The following CALN1 variants were observed in gnomAD, a reference collection of about 807,000 sequenced individuals.
CALN1 encodes calneuron 1.
CALN1 carries 17 observed loss-of-function variants against 30.6 expected under a neutral mutation model. The ratio of observed to expected loss-of-function variants is 0.56; its 90% CI spans 0.38 to 0.83. CALN1 has a LOEUF of 0.83. Ranked by LOEUF, CALN1 falls within the 40% of genes least tolerant of loss-of-function variation. The pLI is 0.00. For synonymous variants in CALN1, 156 were observed against 131.4 expected (o/e 1.19, Z -1.28); for missense variants, 291 against 354.9 (o/e 0.82, Z 1.45).
chr7:72,076,611 C>CAAAAAA, intron 4 of CALN1, among the ~76,000 whole-genome samples: 2 of 6,120 alleles, frequency 3.3e-4, no homozygotes, highest in Middle Eastern at 0.1. Flanking sequence ...AAAAAAAAAG[C>CAAAAAA]AAAAAAAAAA....
At chr7:72,200,992 G>C (rs142182020) in intron 3 of CALN1, among the ~76,000 whole-genome samples, 63 of 152,282 alleles carry the variant, frequency 4.1e-4, no homozygotes, top group African/African-American at 1.5e-3. Flanking sequence ...CATGTTTATT[G>C]CAGCACTATT....
the CALN1 span, among the ~76,000 whole-genome samples, chr7:72,471,784 G>A: frequency 4.6e-5 from 7 of 152,124 alleles, no homozygotes; most frequent in South Asian, 2.1e-4. Context: ...CACGTGGGGC[G>A]TCACAATGGG....
At chr7:72,236,958 C>T (rs1794509575) in intron 3 of CALN1, among the ~76,000 whole-genome samples, 1 of 151,638 alleles carries the variant, frequency 6.6e-6, no homozygotes, top group Admixed American at 6.6e-5. Flanking sequence ...GAAGTCTGAC[C>T]TAGTTGGGAA....
At chr7:72,403,647 CACA>C (rs1562951616) in intron 1 of CALN1, among the ~76,000 whole-genome samples, 1 of 152,182 alleles carries the variant, frequency 6.6e-6, no homozygotes. Context: ...GAGGGTATTG[CACA>C]ACAAGCCAAT....
At chr7:72,064,409 A>C (rs184906004) in intron 4 of CALN1, among the ~76,000 whole-genome samples, 137 of 152,310 alleles carry the variant, frequency 9.0e-4, no homozygotes, top group Non-Finnish European at 1.7e-3. Context: ...ACTCAAAATC[A>C]ATTAAGGTAA....
At chr7:72,483,381 T>C in the CALN1 span, among the ~76,000 whole-genome samples, 3 of 151,072 alleles carry the variant, frequency 2.0e-5, no homozygotes, top group Admixed American at 6.7e-5. Context: ...ATCTCCCAGG[T>C]TCAAGTGATT....
At chr7:72,356,042 G>A (rs1803201865) in intron 2 of CALN1, among the ~76,000 whole-genome samples, 1 of 152,264 alleles carries the variant, frequency 6.6e-6, no homozygotes, top group South Asian at 2.1e-4. Context: ...TAGTTACTCT[G>A]ATTTGATCAT....
chr7:72,335,952 T>C (rs1014934083), intron 2 of CALN1, among the ~76,000 whole-genome samples: 4 of 152,122 alleles, frequency 2.6e-5, no homozygotes, highest in Admixed American at 6.5e-5. Context: ...CGCGCTGCGC[T>C]AGTCCGGAGA....
chr7:72,484,771 C>T, the CALN1 span, among the ~76,000 whole-genome samples: 1 of 152,350 alleles, frequency 6.6e-6, no homozygotes, highest in East Asian at 1.9e-4. Context: ...TGAGTACTCT[C>T]AGAGAAGAAA....
At chr7:72,336,627 G>T in intron 2 of CALN1, 1 of 939,346 alleles carries the variant, frequency 1.1e-6, no homozygotes, top group Non-Finnish European at 1.3e-6. Context: ...GGACACCCTA[G>T]AGAGAAGCGA....
chr7:72,166,388 C>T (rs1009638067), intron 3 of CALN1, among the ~76,000 whole-genome samples: 2 of 152,116 alleles, frequency 1.3e-5, no homozygotes, highest in African/African-American at 2.4e-5. Context: ...TGTCTTGCAA[C>T]GGTGTTGCCC....
intron 5 of CALN1, among the ~76,000 whole-genome samples, chr7:71,944,799 T>C (rs1796324351): frequency 6.6e-6 from 1 of 152,134 alleles, no homozygotes; most frequent in Admixed American, 6.6e-5. Flanking sequence ...TGTCTAATCT[T>C]TGAATTTGTG....
chr7:72,049,641 G>C (rs1308089670), intron 4 of CALN1, among the ~76,000 whole-genome samples: 1 of 151,948 alleles, frequency 6.6e-6, no homozygotes, highest in African/African-American at 2.4e-5. Context: ...CTGAGTAGCT[G>C]GGATTACAGG....
intron 5 of CALN1, among the ~76,000 whole-genome samples, chr7:71,820,042 T>C (rs1051318759): frequency 1.3e-5 from 2 of 152,250 alleles, no homozygotes; most frequent in Admixed American, 1.3e-4. Flanking sequence ...AGTTAATTAA[T>C]GTTTCAATTA....
intron 5 of CALN1, among the ~76,000 whole-genome samples, chr7:71,996,482 G>A (rs947979976): frequency 6.6e-6 from 1 of 152,354 alleles, no homozygotes; most frequent in Non-Finnish European, 1.5e-5. Context: ...AACATGTGGT[G>A]TTTGGTTTTC....
intron 2 of CALN1, among the ~76,000 whole-genome samples, chr7:72,316,431 G>A (rs1800451182): frequency 6.6e-6 from 1 of 151,916 alleles, no homozygotes; most frequent in Non-Finnish European, 1.5e-5. Flanking sequence ...GTTCATTTAG[G>A]AATGGATGCT....
intron 5 of CALN1, among the ~76,000 whole-genome samples, chr7:71,818,038 T>C (rs965876219): frequency 6.6e-6 from 1 of 152,132 alleles, no homozygotes; most frequent in Non-Finnish European, 1.5e-5. Context: ...CAAATGGTTA[T>C]TGGGAATGAC....
At chr7:71,884,885 A>T (rs12668764) in intron 5 of CALN1, among the ~76,000 whole-genome samples, 19,096 of 152,142 alleles carry the variant, frequency 0.13, 1,777 homozygotes, top group East Asian at 0.43. Flanking sequence ...TTCCAGACCT[A>T]CCCAATCCTA....
intron 5 of CALN1, among the ~76,000 whole-genome samples, chr7:71,834,394 T>C (rs1276308595): frequency 2.1e-5 from 3 of 146,102 alleles, no homozygotes; most frequent in African/African-American, 5.1e-5. Context: ...TTAAGTCAAT[T>C]GAGCCCAGGC....
Sources: allele counts gnomAD v4.1 joint callset (sites outside exome capture counted in the v4.1 genomes callset), GRCh38; gene constraint gnomAD v4.1.1; transcripts MANE v1.5; gene names NCBI Gene and HGNC (gene_info 2026-07-23, HGNC 2026-07-21).